Variants in ENTHD1 observed in about 807,000 individuals in gnomAD.
ENTHD1 encodes the protein ENTH domain-containing protein 1.
A neutral mutation model predicts 39.1 loss-of-function variants in ENTHD1; 23 were observed. The ratio of observed to expected loss-of-function variants is 0.59; its 90% confidence interval spans 0.42 to 0.83. ENTHD1 has a LOEUF of 0.83. Among genes scored for constraint, ENTHD1 ranks in the 40% least tolerant of loss-of-function variants. The pLI is 0.00. For missense variants in ENTHD1, 624 were observed against 705.4 expected (o/e 0.88, Z 1.31); for synonymous variants, 230 against 258.2 (o/e 0.89, Z 1.05).
At chr22:39,769,115 C>T (rs1317205164) in intron 5 of ENTHD1, among the ~76,000 whole-genome samples, 8 of 151,884 alleles carry the variant, frequency 5.3e-5, no homozygotes, top group Non-Finnish European at 1.5e-5. Context: ...CACATATACA[C>T]ACCGGTGTAT....
intron 6 of ENTHD1, among the ~76,000 whole-genome samples, chr22:39,746,949 T>C (rs1487412803): frequency 6.6e-6 from 1 of 152,240 alleles, no homozygotes; most frequent in East Asian, 1.9e-4. Flanking sequence ...ATTGTTCACC[T>C]GTCTAAGGAC....
At chr22:39,837,451 T>C (rs1004889328) in intron 3 of ENTHD1, among the ~76,000 whole-genome samples, 3 of 152,192 alleles carry the variant, frequency 2.0e-5, no homozygotes, top group Non-Finnish European at 4.4e-5. Context: ...ACCCATCTTA[T>C]TATGATATCT....
At chr22:39,785,995 A>C (rs771797431) in intron 5 of ENTHD1, among the ~76,000 whole-genome samples, 1 of 152,286 alleles carries the variant, frequency 6.6e-6, no homozygotes, top group South Asian at 2.1e-4. Flanking sequence ...ATTCATCAAG[A>C]AAAGAGAGGC....
chr22:39,759,387 A>G (rs1310859614), intron 6 of ENTHD1, among the ~76,000 whole-genome samples: 1 of 152,174 alleles, frequency 6.6e-6, no homozygotes, highest in Non-Finnish European at 1.5e-5. Context: ...CTAAGGCATC[A>G]AATCTATTGC....
At chr22:39,795,988 A>G (rs991044430) in intron 5 of ENTHD1, among the ~76,000 whole-genome samples, 1 of 151,488 alleles carries the variant, frequency 6.6e-6, no homozygotes, top group African/African-American at 2.4e-5. Context: ...CTAGCAGTTT[A>G]TTGGTTTTGT....
At chr22:39,892,272 T>C (rs989579706) in intron 1 of ENTHD1, among the ~76,000 whole-genome samples, 1 of 152,162 alleles carries the variant, frequency 6.6e-6, no homozygotes, top group South Asian at 2.1e-4. Flanking sequence ...GCTGTTTCCT[T>C]CCCCCCATTT....
chr22:39,865,342 T>C (rs2066174167), intron 2 of ENTHD1, among the ~76,000 whole-genome samples: 3 of 152,062 alleles, frequency 2.0e-5, no homozygotes, highest in Admixed American at 2.0e-4. Flanking sequence ...TTCTGCCCAC[T>C]ACCCTAGCTT....
chr22:39,746,521 C>A (rs1407430231), intron 6 of ENTHD1, among the ~76,000 whole-genome samples: 1 of 152,102 alleles, frequency 6.6e-6, no homozygotes, highest in Non-Finnish European at 1.5e-5. Flanking sequence ...GTACCCCTTG[C>A]TGCCCGCTTA....
At chr22:39,885,752 A>T (rs2066374318) in intron 2 of ENTHD1, among the ~76,000 whole-genome samples, 1 of 152,232 alleles carries the variant, frequency 6.6e-6, no homozygotes, top group Non-Finnish European at 1.5e-5. Context: ...GTATGATTCC[A>T]CTTATAAGAG....
At chr22:39,791,259 ATAGTC>A (rs1421453083) in intron 5 of ENTHD1, among the ~76,000 whole-genome samples, 32 of 148,122 alleles carry the variant, frequency 2.2e-4, no homozygotes, top group African/African-American at 5.1e-4. Context: ...TATTTAGACT[ATAGTC>A]TAGACTATAT....
chr22:39,875,943 C>T, intron 2 of ENTHD1: 3 of 1,613,984 alleles, frequency 1.9e-6, no homozygotes, highest in Non-Finnish European at 2.5e-6. Context: ...GGTGTTTGCA[C>T]TCATCTTGGT....
intron 1 of ENTHD1, among the ~76,000 whole-genome samples, chr22:39,892,143 C>T (rs2066432073): frequency 1.3e-5 from 2 of 152,182 alleles, no homozygotes; most frequent in Non-Finnish European, 2.9e-5. Flanking sequence ...ACATGAACCT[C>T]ACATTAAAAC....
chr22:39,869,179 G>A (rs1445617319), intron 2 of ENTHD1, among the ~76,000 whole-genome samples: 6 of 152,124 alleles, frequency 3.9e-5, no homozygotes, highest in African/African-American at 1.4e-4. Context: ...GTTCACTGCA[G>A]CACTGTTCAC....
rs1601581993 is a variant in ENTHD1, at chr22:39,769,112, A to G, written c.833-3503T>C. 2.0e-5 allele frequency among the ~76,000 whole-genome samples: 3 copies of G among 152,292 alleles called. 1 individual carries two copies. The East Asian group carries it at 5.8e-4, about 29-fold the overall frequency. ...CAAACTTGTGTATATGTACACATAT[A>G]CACACCGGTGTATGTACAATAAACA... On this transcript the variant is annotated intron_variant, in intron 5 of 6. Transcript: ENST00000325157.
intron 6 of ENTHD1, among the ~76,000 whole-genome samples, chr22:39,747,685 A>G (rs2065116186): frequency 6.6e-6 from 1 of 152,154 alleles, no homozygotes; most frequent in South Asian, 2.1e-4. Context: ...TAATTATTTG[A>G]AGACAATCAG....
chr22:39,788,967 G>C (rs982038737), intron 5 of ENTHD1, among the ~76,000 whole-genome samples: 10 of 152,262 alleles, frequency 6.6e-5, no homozygotes, highest in Admixed American at 6.5e-4. Flanking sequence ...CTGTAGTATG[G>C]TGTAAACATA....
intron 3 of ENTHD1, among the ~76,000 whole-genome samples, chr22:39,843,839 T>C (rs1184527009): frequency 1.3e-5 from 2 of 152,114 alleles, no homozygotes; most frequent in Non-Finnish European, 2.9e-5. Flanking sequence ...CTGTTGGGAA[T>C]TCCCAGAGGA....
intron 2 of ENTHD1, among the ~76,000 whole-genome samples, chr22:39,885,730 A>G (rs1369896608): frequency 1.3e-5 from 2 of 152,238 alleles, no homozygotes; most frequent in Non-Finnish European, 2.9e-5. Context: ...GCGACACAAA[A>G]TAACAAATAC....
chr22:39,817,211 C>T (rs1171074380), intron 5 of ENTHD1, among the ~76,000 whole-genome samples: 3 of 152,086 alleles, frequency 2.0e-5, no homozygotes, highest in Non-Finnish European at 4.4e-5. Context: ...GTATGAATTA[C>T]GATGAAAATG....
Sources: gnomAD v4.1 joint callset for allele counts (sites outside exome capture counted in the v4.1 genomes callset) on GRCh38, gnomAD v4.1.1 for gene constraint, MANE v1.5 for transcripts, NCBI Gene and HGNC (gene_info 2026-07-23, HGNC 2026-07-21) for gene names.